Variants in PPM1H observed in about 807,000 individuals in gnomAD.
The protein encoded by PPM1H is protein phosphatase 1H.
Under a neutral mutation model 54.9 loss-of-function variants are expected in PPM1H, and 27 were observed. The ratio of observed to expected loss-of-function variants is 0.49; its 90% CI spans 0.36 to 0.68. PPM1H has a LOEUF of 0.68. Among genes scored for constraint, PPM1H ranks in the 30% least tolerant of loss-of-function variants. The pLI, the probability that PPM1H is intolerant of heterozygous loss-of-function variation, is 0.00. For missense variants in PPM1H, 596 were observed against 667.8 expected (o/e 0.89, Z 1.19); for synonymous variants, 305 against 270.8 (o/e 1.13, Z -1.24).
At chr12:62,869,835 C>A (rs1042999447) in intron 1 of PPM1H, among the ~76,000 whole-genome samples, 7 of 152,160 alleles carry the variant, frequency 4.6e-5, no homozygotes, top group Admixed American at 2.0e-4. Context: ...AACTTCAAGG[C>A]CTTCAAACAT....
intron 2 of PPM1H, among the ~76,000 whole-genome samples, chr12:62,809,306 C>T (rs2076822426): frequency 6.6e-6 from 1 of 152,228 alleles, no homozygotes; most frequent in South Asian, 2.1e-4. Flanking sequence ...CCATCTCAAC[C>T]TCCCAAAGTG....
At position 62,744,466 on chromosome 12, in the gene PPM1H, G is replaced by A. The variant is rs531676637; in HGVS notation, c.870-6880C>T. Among the ~76,000 whole-genome samples, 530 of 126,740 alleles carry A rather than the reference G, an allele frequency of 4.2e-3. 4 individuals carry two copies. Among genetic ancestry groups the A allele is most frequent in the African/African-American group, 0.016 (495 of 31,188 alleles). 83.1% of individuals were successfully genotyped at this position (126,740 alleles called of 152,430 possible). On this transcript the variant is annotated intron_variant, in intron 4 of 9. Coordinates refer to ENST00000228705, the MANE Select transcript of PPM1H (RefSeq NM_020700.2). ...AGCCTGGGCAACAGAGTGAGACTCT[G>A]TCTCAAAAAAAAAAAAAAAAAGGAG...
chr12:62,688,240 T>C (rs938369530), intron 8 of PPM1H, among the ~76,000 whole-genome samples: 1 of 152,074 alleles, frequency 6.6e-6, no homozygotes, highest in Admixed American at 6.6e-5. Flanking sequence ...CATCTTTGCA[T>C]AGAAATGTCA....
chr12:62,817,121 A>AAAAAAAAAGAAAAAAAAAAAAAAC (rs2076871535), intron 2 of PPM1H, among the ~76,000 whole-genome samples: 1 of 121,832 alleles, frequency 8.2e-6, no homozygotes, highest in African/African-American at 3.7e-5. Context: ...ATTACTAAAA[A>AAAAAAAAAGAAAAAAAAAAAAAAC]AAAAAAAAAA....
intron 9 of PPM1H, among the ~76,000 whole-genome samples, chr12:62,662,454 C>G (rs1435367897): frequency 2.0e-5 from 3 of 152,198 alleles, no homozygotes; most frequent in South Asian, 2.1e-4. Context: ...GATGGTCTAC[C>G]TTCACGTTTC....
intron 2 of PPM1H, among the ~76,000 whole-genome samples, chr12:62,823,476 GAACATCGATGCAA>G (rs1432096724): frequency 1.3e-5 from 2 of 152,154 alleles, no homozygotes; most frequent in African/African-American, 4.8e-5. Context: ...TATTCCTGAT[GAACATCGATGCAA>G]AAATCCTCAA....
intron 1 of PPM1H, among the ~76,000 whole-genome samples, chr12:62,839,915 A>G (rs34031846): frequency 0.088 from 13,251 of 150,328 alleles, 978 homozygotes; most frequent in African/African-American, 0.2. Context: ...GCACGTGCCT[A>G]TAGTCCCAGG....
intron 5 of PPM1H, among the ~76,000 whole-genome samples, chr12:62,725,460 T>C (rs757797646): frequency 2.6e-5 from 4 of 152,264 alleles, no homozygotes; most frequent in Non-Finnish European, 5.9e-5. Context: ...CAGAAGAATC[T>C]GAACAAACAG....
In PPM1H at chr12:62,774,388, C is replaced by G. The variant is rs528212568; in HGVS notation, c.869+13838G>C. Among the ~76,000 whole-genome samples the G allele has an allele frequency of 9.2e-5, 14 of 152,250 alleles. No homozygotes were observed. In the East Asian group the frequency reaches 2.7e-3, roughly 29 times the overall value. Reference sequence around the variant, plus strand: ...CCTTTTTTGAGATATTTTTGTCAGGCTGGAGTGCAGTGGCGTGATCAAGGT... The same window carrying G: ...CCTTTTTTGAGATATTTTTGTCAGGGTGGAGTGCAGTGGCGTGATCAAGGT... On this transcript the variant is annotated intron_variant, in intron 4 of 9. Coordinates refer to ENST00000228705, the MANE Select transcript of PPM1H (RefSeq NM_020700.2).
chr12:62,895,317 CA>C (rs747870498), intron 1 of PPM1H, among the ~76,000 whole-genome samples: 1 of 152,076 alleles, frequency 6.6e-6, no homozygotes, highest in Non-Finnish European at 1.5e-5. Context: ...ACATGCAACT[CA>C]ATGGTGGTAT....
intron 5 of PPM1H, among the ~76,000 whole-genome samples, chr12:62,732,500 G>T (rs778602493): frequency 6.6e-6 from 1 of 152,064 alleles, no homozygotes; most frequent in African/African-American, 2.4e-5. Context: ...ATTTCTACAA[G>T]TCAAACAGAC....
intron 2 of PPM1H, among the ~76,000 whole-genome samples, chr12:62,809,209 C>T (rs937033772): frequency 1.7e-4 from 26 of 152,112 alleles, no homozygotes; most frequent in African/African-American, 6.0e-4. Flanking sequence ...CACCACCACA[C>T]CAGGCTAATT....
intron 1 of PPM1H, among the ~76,000 whole-genome samples, chr12:62,884,969 A>C (rs967220627): frequency 2.0e-5 from 3 of 152,214 alleles, no homozygotes; most frequent in African/African-American, 7.2e-5. Context: ...GAGTCTGGGA[A>C]GAAAAAGAGG....
At chr12:62,730,882 G>A (rs2076317262) in intron 5 of PPM1H, among the ~76,000 whole-genome samples, 1 of 152,196 alleles carries the variant, frequency 6.6e-6, no homozygotes, top group Non-Finnish European at 1.5e-5. Flanking sequence ...AGCCAAGGCT[G>A]GCTGCCTGAT....
chr12:62,932,628 C>CTTCTTTTTTTTT (rs1872176998), intron 1 of PPM1H, among the ~76,000 whole-genome samples: 1 of 54,014 alleles, frequency 1.9e-5, no homozygotes, highest in Non-Finnish European at 3.2e-5. Flanking sequence ...TCCAAATGGG[C>CTTCTTTTTTTTT]TTTTTTTTTT....
chr12:62,701,569 C>T (rs980422199), intron 6 of PPM1H, among the ~76,000 whole-genome samples: 5 of 152,198 alleles, frequency 3.3e-5, no homozygotes, highest in African/African-American at 1.2e-4. Flanking sequence ...ACTGAATTCC[C>T]GTCATCTTAA....
chr12:62,783,209 C>G (rs537990865), intron 4 of PPM1H, among the ~76,000 whole-genome samples: 1 of 152,278 alleles, frequency 6.6e-6, no homozygotes, highest in South Asian at 2.1e-4. Flanking sequence ...TGAGAAAACA[C>G]TCCTTTTCTA....
At chr12:62,788,882 T>A (rs992154592) in intron 3 of PPM1H, among the ~76,000 whole-genome samples, 1 of 151,978 alleles carries the variant, frequency 6.6e-6, no homozygotes, top group Non-Finnish European at 1.5e-5. Flanking sequence ...CGCACCACCA[T>A]GCCCGGCTAA....
intron 5 of PPM1H, among the ~76,000 whole-genome samples, chr12:62,736,372 C>T (rs1331646201): frequency 6.6e-6 from 1 of 152,142 alleles, no homozygotes; most frequent in Non-Finnish European, 1.5e-5. Flanking sequence ...AAGAAAATGA[C>T]GAGGTCTGAA....
Sources: gnomAD v4.1 joint callset for allele counts (sites outside exome capture counted in the v4.1 genomes callset) on GRCh38, gnomAD v4.1.1 for gene constraint, MANE v1.5 for transcripts, NCBI Gene and HGNC (gene_info 2026-07-23, HGNC 2026-07-21) for gene names.